ANTXR2: variants seen among roughly 807,000 people sequenced by gnomAD.
ANTXR2 encodes the protein anthrax toxin receptor 2.
A neutral mutation model predicts 73.7 loss-of-function variants in ANTXR2; 44 were observed. That is an observed-to-expected ratio of 0.60 (90% CI 0.47 to 0.77). The LOEUF (loss-of-function observed/expected upper bound fraction) is 0.77, where lower values mean the gene tolerates loss of function less well. ANTXR2 is among the 30% of genes least tolerant of loss of function. The pLI is 0.00. For synonymous variants in ANTXR2, 217 were observed against 205.9 expected (o/e 1.05, Z -0.46); for missense variants, 604 against 592.5 (o/e 1.02, Z -0.20).
At chr4:79,992,564 T>G (rs1730524717) in intron 12 of ANTXR2, among the ~76,000 whole-genome samples, 6 of 152,042 alleles carry the variant, frequency 3.9e-5, no homozygotes, top group Admixed American at 3.9e-4. Flanking sequence ...CTTTATGATT[T>G]TTTATAATTA....
At chr4:80,010,643 T>C (rs1731525992) in intron 11 of ANTXR2, among the ~76,000 whole-genome samples, 1 of 152,192 alleles carries the variant, frequency 6.6e-6, no homozygotes, top group Non-Finnish European at 1.5e-5. Context: ...GTTTCTTCTA[T>C]GCATGTGCCA....
intron 12 of ANTXR2, among the ~76,000 whole-genome samples, chr4:79,997,918 A>G (rs1435732105): frequency 6.6e-6 from 1 of 151,982 alleles, no homozygotes; most frequent in Non-Finnish European, 1.5e-5. Flanking sequence ...ACTCTATTTC[A>G]AGAAGGCAAC....
chr4:80,042,340 G>A (rs940347010), intron 7 of ANTXR2, among the ~76,000 whole-genome samples: 1 of 151,962 alleles, frequency 6.6e-6, no homozygotes, highest in African/African-American at 2.4e-5. Context: ...ATGACATCTA[G>A]GTTTCATAGT....
intron 16 of ANTXR2, among the ~76,000 whole-genome samples, chr4:79,910,507 C>CAAAAAA (rs144527286): frequency 1.0e-5 from 1 of 95,652 alleles, no homozygotes; most frequent in African/African-American, 4.1e-5. Flanking sequence ...GACTCCGTCT[C>CAAAAAA]AAAAAAAAAA....
chr4:79,984,645 T>C (rs1730029618), intron 13 of ANTXR2, among the ~76,000 whole-genome samples, 174 bp downstream of exon 13: 1 of 152,102 alleles, frequency 6.6e-6, no homozygotes, highest in Admixed American at 6.5e-5. Context: ...CCCATTCCTC[T>C]AGCACATGAA....
chr4:80,048,749 A>G (rs1733634504), intron 7 of ANTXR2, among the ~76,000 whole-genome samples: 1 of 151,696 alleles, frequency 6.6e-6, no homozygotes, highest in African/African-American at 2.4e-5. Flanking sequence ...ACAATATAAA[A>G]TATAGTGTTA....
intron 12 of ANTXR2, among the ~76,000 whole-genome samples, chr4:79,989,913 C>T (rs543347067): frequency 6.6e-6 from 1 of 152,076 alleles, no homozygotes; most frequent in South Asian, 2.1e-4. Context: ...TCAGAAAAAA[C>T]TTTCAATAAA....
intron 3 of ANTXR2, among the ~76,000 whole-genome samples, chr4:80,064,046 T>C (rs1296049155): frequency 2.0e-5 from 3 of 152,170 alleles, no homozygotes; most frequent in Non-Finnish European, 2.9e-5. Context: ...TAAAGAACAA[T>C]TGTTCCACAA....
intron 16 of ANTXR2, among the ~76,000 whole-genome samples, chr4:79,930,600 C>T (rs1316278833): frequency 1.3e-5 from 2 of 152,190 alleles, no homozygotes; most frequent in Non-Finnish European, 2.9e-5. Context: ...TCTTCTTGCA[C>T]TGAATGGCCC....
intron 16 of ANTXR2, among the ~76,000 whole-genome samples, chr4:79,910,507 C>CAA (rs144527286): frequency 2.1e-5 from 2 of 95,620 alleles, no homozygotes; most frequent in African/African-American, 4.1e-5. Flanking sequence ...GACTCCGTCT[C>CAA]AAAAAAAAAA....
At chr4:80,033,829 T>C (rs182187936) in intron 8 of ANTXR2, among the ~76,000 whole-genome samples, 2 of 152,094 alleles carry the variant, frequency 1.3e-5, no homozygotes, top group African/African-American at 2.4e-5. Flanking sequence ...TTCCCAGTAG[T>C]GACCAAGGTA....
In ANTXR2 at chr4:79,919,910, TATATATATATAAAA is replaced by T. The variant is rs1272118374; in HGVS notation, c.1429-12457_1429-12444del. Among the ~76,000 whole-genome samples, 69 of 18,202 alleles carry T rather than the reference TATATATATATAAAA, an allele frequency of 3.8e-3. 1 individual carries two copies. The highest frequency in any genetic ancestry group is 0.018 in the African/African-American group (67 of 3,762). The allele number at this position is 18,202 out of a possible 152,430, so 11.9% of individuals were successfully genotyped here. On this transcript the variant is annotated intron_variant, in intron 16 of 16. Transcript: ENST00000403729. ...ATATATATATATATATATATATATA[TATATATATATAAAA>T]AATGATAGGGCAGACAAGTAATTAC...
Position 79,984,799 on chromosome 4 carries a change from T to A in ANTXR2, c.1086+20A>T. On this transcript the variant is annotated intron_variant, in intron 13 of 16. Transcript: ENST00000403729. ...TGGAAAAAAAAAACAGCCATATCAG[T>A]TTTTTAGGCACTCACTTACCTCTTT... The A allele has an allele frequency of 6.2e-7, 1 of 1,600,366 alleles. No individual in the cohort carries two copies. The highest frequency in any genetic ancestry group is 8.5e-7 in the Non-Finnish European group (1 of 1,170,978).
chr4:80,009,880 C>T (rs1731487254), intron 11 of ANTXR2, among the ~76,000 whole-genome samples: 1 of 149,658 alleles, frequency 6.7e-6, no homozygotes, highest in Admixed American at 6.7e-5. Context: ...AAAGAAAAAA[C>T]TACTTACTGA....
At chr4:80,033,649 T>A in intron 8 of ANTXR2, 79 bp from the exon 9 acceptor site, 1 of 1,049,864 alleles carries the variant, frequency 9.5e-7, no homozygotes, top group Non-Finnish European at 1.4e-6. Context: ...ATGAAAGTAT[T>A]AAGGTGCAAA....
At chr4:80,023,710 T>A (rs546863132) in intron 10 of ANTXR2, among the ~76,000 whole-genome samples, 9 of 151,996 alleles carry the variant, frequency 5.9e-5, no homozygotes, top group Non-Finnish European at 1.2e-4. Flanking sequence ...AAGGAGTCCA[T>A]GCAGATGGAG....
At chr4:79,932,317 A>T (rs1728090850) in intron 16 of ANTXR2, among the ~76,000 whole-genome samples, 1 of 152,042 alleles carries the variant, frequency 6.6e-6, no homozygotes, top group Non-Finnish European at 1.5e-5. Flanking sequence ...TGACCAAGTC[A>T]TATTACCATA....
Position 79,993,760 on chromosome 4 carries a change from G to GCGCACACACACACACACA in ANTXR2, c.1042-8898_1042-8897insTGTGTGTGTGTGTGTGCG, listed in dbSNP as rs71662888. On this transcript the variant is annotated intron_variant, in intron 12 of 16. Transcript: ENST00000403729. ...GGCAATACACCACACACACACACACGCACACACACACACACACACACACAT... is the reference window on the plus strand; with the variant it reads ...GGCAATACACCACACACACACACACGCGCACACACACACACACACACACACACACACACACACACACAT... Among the ~76,000 whole-genome samples, 260 of 140,764 alleles carry GCGCACACACACACACACA rather than the reference G, an allele frequency of 1.8e-3. 1 individual carries two copies. The highest frequency in any genetic ancestry group is 6.0e-3 in the African/African-American group (235 of 39,068). 92.3% of individuals were successfully genotyped at this position (140,764 alleles called of 152,430 possible). A position where few individuals can be genotyped will look rare whatever the true frequency, so the allele number is the denominator to read the frequency against.
intron 16 of ANTXR2, among the ~76,000 whole-genome samples, chr4:79,974,928 GATATCTA>G (rs1328935499): frequency 1.3e-5 from 2 of 152,156 alleles, no homozygotes; most frequent in Non-Finnish European, 1.5e-5. Context: ...AAATTTATTT[GATATCTA>G]ACAGATTACC....
Sources: gnomAD v4.1 joint callset for allele counts (sites outside exome capture counted in the v4.1 genomes callset) on GRCh38, gnomAD v4.1.1 for gene constraint, MANE v1.5 for transcripts, NCBI Gene and HGNC (gene_info 2026-07-23, HGNC 2026-07-21) for gene names.